The following PHLDB1 variants were observed in gnomAD, a reference collection of about 807,000 sequenced individuals.
The protein encoded by PHLDB1 is pleckstrin homology-like domain family B member 1.
In PHLDB1, 65 loss-of-function variants were observed where a neutral mutation model predicts 139.3. The ratio of observed to expected loss-of-function variants is 0.47; its 90% CI spans 0.38 to 0.57. The LOEUF (loss-of-function observed/expected upper bound fraction) is 0.57. Ranked by LOEUF, PHLDB1 falls within the 20% of genes least tolerant of loss-of-function variation. The probability of loss-of-function intolerance (pLI) is 0.00; values close to 1 mark genes in which losing one functional copy is unlikely to be tolerated. For synonymous variants in PHLDB1, 679 were observed against 734.5 expected (o/e 0.92, Z 1.22); for missense variants, 1,624 against 1,839.7 (o/e 0.88, Z 2.14).
chr11:118,643,457 T>C, intron 13 of PHLDB1: 1 of 958,816 alleles, frequency 1.0e-6, no homozygotes, highest in Non-Finnish European at 1.2e-6. Flanking sequence ...TCACACAGCC[T>C]GTTAGTGGCA....
Position 118,656,559 on chromosome 11 carries a change from A to G in PHLDB1, c.3994-124A>G, listed in dbSNP as rs1325848739. ...CTGGTAGGGTCTAGGCTCTGGACCT[A>G]TTTAGGACTAAGCTCCAGGGCTTTC... On this transcript the variant is annotated intron_variant, in intron 22 of 22. Coordinates refer to ENST00000600882, the MANE Select transcript of PHLDB1 (RefSeq NM_001144758.3). 14 of 855,382 alleles carry G rather than the reference A, an allele frequency of 1.6e-5. No individual in the cohort carries two copies. In the Admixed American group the frequency reaches 2.5e-4, roughly 15 times the overall value. 53.0% of individuals were successfully genotyped at this position (855,382 alleles called of 1,614,324 possible). A position where few individuals can be genotyped will look rare whatever the true frequency, so the allele number is the denominator to read the frequency against.
Position 118,632,182 on chromosome 11 carries a change from G to A in PHLDB1, c.2265G>A (p.Leu755=), listed in dbSNP as rs782650381. ...AGGCCGAAATGGAGCGGGCACTGCT[G>A]CAGGGAGAGAGGGAGGCAGAGCGGG... ...AREAEMERAL[L]QGEREAERAL... is the part of the protein sequence containing the mutation. The change falls in exon 9 of 23, where the codon CTG becomes CTA. Residue 755 remains leucine (L), a synonymous_variant. Transcript: ENST00000600882. This position sits in a 1 kb window ranked among gnomAD's most constrained non-coding sequence, Gnocchi z 5.9. 3.1e-6 allele frequency: 5 copies of A among 1,613,946 alleles called. No homozygotes were observed. Among genetic ancestry groups the A allele is most frequent in the Non-Finnish European group, 4.2e-6 (5 of 1,179,966 alleles).
rs1555080991 is a variant in PHLDB1 at position 118,608,686 on chromosome 11, C to A, written c.-22+987C>A. Among the ~76,000 whole-genome samples the A allele has an allele frequency of 6.6e-6, 1 of 152,160 alleles. No individual in the cohort carries two copies. The highest frequency in any genetic ancestry group is 6.5e-5 in the Admixed American group (1 of 15,284). On this transcript the variant is annotated intron_variant, in intron 1 of 22. Coordinates refer to ENST00000600882, the MANE Select transcript of PHLDB1 (RefSeq NM_001144758.3). This position sits in a 1 kb window ranked among gnomAD's most constrained non-coding sequence, Gnocchi z 6.7. The stretch of plus-strand genomic sequence containing the variant: ...CGCAGGCGCCCCACCACGCCGGGCT[C>A]CCACGCGGCACACACGCACGCCTCC...
Position 118,616,800 on chromosome 11 carries a change from T to G in PHLDB1, c.355+589T>G, listed in dbSNP as rs1181205282. Among the ~76,000 whole-genome samples, 4 of 152,284 alleles carry G rather than the reference T, an allele frequency of 2.6e-5. No homozygotes were observed. The East Asian group carries it at 7.7e-4, about 29-fold the overall frequency. ...TGGCTCACGCCTACAATCCCAGCAC[T>G]TTGGTAGGCCGAGGTGGGTGGATCA... is the stretch of plus-strand genomic sequence containing the variant. On this transcript the variant is annotated intron_variant, in intron 4 of 22. Coordinates refer to ENST00000600882, the MANE Select transcript of PHLDB1 (RefSeq NM_001144758.3).
At chr11:118,649,679 A>C (rs529206036) in intron 18 of PHLDB1, among the ~76,000 whole-genome samples, 3 of 152,296 alleles carry the variant, frequency 2.0e-5, no homozygotes, top group African/African-American at 7.2e-5. Flanking sequence ...GGCCCAGAGA[A>C]GGGATGTGAC....
Position 118,628,384 on chromosome 11 carries a change from C to A in PHLDB1, c.1561C>A (p.Pro521Thr), listed in dbSNP as rs782258035. Residue 521 changes from proline (P) to threonine (T), a missense_variant, in exon 6 of 23, where the codon CCC becomes ACC. Physicochemically the swap from Pro to Thr is conservative, Grantham distance 38. Transcript: ENST00000600882. Reference sequence around the variant, plus strand: ...GGGCCGTAGGACACGGAGCCCCTCACCCACACTGGGTGAGTCTCTGGCACC... The same window carrying A: ...GGGCCGTAGGACACGGAGCCCCTCAACCACACTGGGTGAGTCTCTGGCACC... ...ARGRRTRSPS[P>T]TLGESLAPHK... The A allele has an allele frequency of 6.2e-7, 1 of 1,611,082 alleles. No homozygotes were observed. Among genetic ancestry groups the A allele is most frequent in the Admixed American group, 1.7e-5 (1 of 59,380 alleles).
chr11:118,642,066 C>T, intron 12 of PHLDB1, 188 bp from the exon 13 acceptor site: 2 of 643,320 alleles, frequency 3.1e-6, no homozygotes, highest in Admixed American at 2.4e-5. Flanking sequence ...TCCCTTCCTT[C>T]CTCCCCTTCT....
In PHLDB1 at chr11:118,611,559, CATA is replaced by C. The variant is rs1190174743; in HGVS notation, c.-21-2249_-21-2247del. On this transcript the variant is annotated intron_variant, in intron 1 of 22. Coordinates refer to ENST00000600882, the MANE Select transcript of PHLDB1 (RefSeq NM_001144758.3). This position sits in a 1 kb window ranked among gnomAD's most constrained non-coding sequence, Gnocchi z 4.7. ...CTGCCTTGCTCCAGGTCACACAGCT[CATA>C]ATAATAAACGGGGCCAGGCGCGGTG... Among the ~76,000 whole-genome samples, 2 of 152,108 alleles carry C rather than the reference CATA, an allele frequency of 1.3e-5. No individual in the cohort carries two copies. The highest frequency in any genetic ancestry group is 2.9e-5 in the Non-Finnish European group (2 of 68,020).
chr11:118,621,888 C>T (rs1942885187), intron 4 of PHLDB1, among the ~76,000 whole-genome samples: 1 of 152,106 alleles, frequency 6.6e-6, no homozygotes, highest in Non-Finnish European at 1.5e-5. Context: ...AGGACCAAGG[C>T]CCTTCCTCCC....
Position 118,650,771 on chromosome 11 carries a change from G to A in PHLDB1, c.3874+224G>A. On this transcript the variant is annotated intron_variant, in intron 20 of 22. Transcript: ENST00000600882. This position sits in a 1 kb window ranked among gnomAD's most constrained non-coding sequence, Gnocchi z 4.7. ...ATTCAGCAATGTTACTAAGCATCTA[G>A]TAAGTTCTAGGCACTGTTCTAGGCT... The A allele has an allele frequency of 1.8e-6, 1 of 570,474 alleles. No individual in the cohort carries two copies. Among genetic ancestry groups the A allele is most frequent in the African/African-American group, 1.9e-5 (1 of 53,360 alleles). 35.3% of individuals were successfully genotyped at this position (570,474 alleles called of 1,614,324 possible). A position where few individuals can be genotyped will look rare whatever the true frequency, so the allele number is the denominator to read the frequency against.
chr11:118,636,726 C>T (rs977028625), intron 10 of PHLDB1: 18 of 152,228 alleles, frequency 1.2e-4, no homozygotes, highest in African/African-American at 3.9e-4. Context: ...CCAAATCCCA[C>T]GTTCCTTCGA....
At position 118,613,903 on chromosome 11, in the gene PHLDB1, G is replaced by A; in HGVS notation, c.60+7G>A. 1 of 1,583,054 alleles carries A rather than the reference G, an allele frequency of 6.3e-7. No homozygotes were observed. Among genetic ancestry groups the A allele is most frequent in the Non-Finnish European group, 8.7e-7 (1 of 1,152,644 alleles). ...GACCCAGACCATGGTGCAGGTGAGT[G>A]GGATCAGGGCTGTGAGGCAAGAGAG... On this transcript the variant is annotated splice_region_variant and intron_variant, in intron 2 of 22. Transcript: ENST00000600882.
chr11:118,628,786 C>G, intron 6 of PHLDB1, 136 bp downstream of exon 6: 1 of 700,338 alleles, frequency 1.4e-6, no homozygotes, highest in Non-Finnish European at 2.3e-6. Context: ...CCAGGATACA[C>G]TTTAGTGATC....
At chr11:118,621,107 A>G (rs1555094380) in intron 4 of PHLDB1, among the ~76,000 whole-genome samples, 2 of 151,286 alleles carry the variant, frequency 1.3e-5, no homozygotes, top group Non-Finnish European at 3.0e-5. Context: ...GCTTGGCCTC[A>G]CTCCTGCCTC....
intron 5 of PHLDB1, among the ~76,000 whole-genome samples, chr11:118,625,463 G>A (rs550093570): frequency 9.6e-4 from 146 of 152,294 alleles, no homozygotes; most frequent in Non-Finnish European, 1.5e-3. Flanking sequence ...CTTGGGCCTC[G>A]CCCAACCCTC....
chr11:118,638,763 C>G (rs1416304398), intron 10 of PHLDB1, 128 bp from the exon 11 acceptor site: 2 of 692,432 alleles, frequency 2.9e-6, no homozygotes, highest in Non-Finnish European at 2.4e-6. Flanking sequence ...TGAGTTGAGG[C>G]CAAGCAGAAG....
At position 118,650,823 on chromosome 11, in the gene PHLDB1, G is replaced by A. The variant is rs146257108; in HGVS notation, c.3874+276G>A. ...TGGTGATGAGTAAGATGGCCACAGC[G>A]CTCTCATGGAGCTTATAATCAGGGA... is the stretch of plus-strand genomic sequence containing the variant. On this transcript the variant is annotated intron_variant, in intron 20 of 22. Transcript: ENST00000600882. The surrounding 1 kb of genome is among the most constrained non-coding windows in gnomAD (Gnocchi z 4.7). 2.9e-3 allele frequency: 1,360 copies of A among 477,006 alleles called. 26 individuals carry two copies. The East Asian group carries it at 0.037, about 13-fold the overall frequency. The allele number at this position is 477,006 out of a possible 1,614,324, so 29.5% of individuals were successfully genotyped here.
At chr11:118,618,588 C>G (rs1942137989) in intron 4 of PHLDB1, among the ~76,000 whole-genome samples, 1 of 151,988 alleles carries the variant, frequency 6.6e-6, no homozygotes, top group Non-Finnish European at 1.5e-5. Flanking sequence ...AAGTGGGCGG[C>G]AGGGGTGAAC....
At chr11:118,627,274 T>A (rs1565425593) in intron 5 of PHLDB1, 31 bp from the exon 6 acceptor site, 9 of 1,609,352 alleles carry the variant, frequency 5.6e-6, no homozygotes, top group Non-Finnish European at 5.1e-6. Flanking sequence ...TGCAGCTCCC[T>A]AAAGTCAAAG....
Sources: allele counts gnomAD v4.1 joint callset (sites outside exome capture counted in the v4.1 genomes callset), GRCh38; gene constraint gnomAD v4.1.1; non-coding constraint Gnocchi (gnomAD v3.1); transcripts MANE v1.5; gene names NCBI Gene and HGNC (gene_info 2026-07-23, HGNC 2026-07-21).